Variants in JAKMIP1 observed in about 807,000 individuals in gnomAD.
JAKMIP1 encodes the protein janus kinase and microtubule-interacting protein 1.
A neutral mutation model predicts 113.0 loss-of-function variants in JAKMIP1; 33 were observed. The observed-to-expected ratio is 0.29, with a 90% CI of 0.22 to 0.39. JAKMIP1 has a LOEUF of 0.39. Among genes scored for constraint, JAKMIP1 ranks in the 10% least tolerant of loss-of-function variants. The pLI is 1.00. For synonymous variants in JAKMIP1, 480 were observed against 459.9 expected (o/e 1.04, Z -0.56); for missense variants, 813 against 1,080.5 (o/e 0.75, Z 3.47).
intron 8 of JAKMIP1, among the ~76,000 whole-genome samples, chr4:6,068,861 T>G (rs982269060): frequency 2.6e-5 from 4 of 152,342 alleles, no homozygotes; most frequent in African/African-American, 9.6e-5. Context: ...TGAGCCATCA[T>G]GCCCAGCCTT....
At chr4:6,161,182 C>T in intron 1 of JAKMIP1, among the ~76,000 whole-genome samples, 1 of 150,294 alleles carries the variant, frequency 6.7e-6, no homozygotes. Context: ...CTCCACTCAC[C>T]TCCCCTGATC....
chr4:6,043,629 G>A (rs1342363702), intron 16 of JAKMIP1, among the ~76,000 whole-genome samples: 2 of 151,732 alleles, frequency 1.3e-5, no homozygotes, highest in Non-Finnish European at 2.9e-5. Flanking sequence ...CCAACATATT[G>A]GCTTTGCCTC....
At chr4:6,127,282 C>A (rs1717832034) in intron 1 of JAKMIP1, among the ~76,000 whole-genome samples, 1 of 152,198 alleles carries the variant, frequency 6.6e-6, no homozygotes, top group Non-Finnish European at 1.5e-5. Context: ...ATAGGCTGTT[C>A]CCCCAATTTA....
intron 1 of JAKMIP1, among the ~76,000 whole-genome samples, chr4:6,131,740 T>C (rs1040486122): frequency 2.0e-5 from 3 of 152,046 alleles, no homozygotes; most frequent in Admixed American, 2.0e-4. Flanking sequence ...AACCAAAAAT[T>C]ATTAATACAT....
At chr4:6,175,437 T>C (rs540268113) in intron 1 of JAKMIP1, among the ~76,000 whole-genome samples, 1 of 152,364 alleles carries the variant, frequency 6.6e-6, no homozygotes, top group Non-Finnish European at 1.5e-5. Flanking sequence ...TGCCATTTTT[T>C]CTTTTTGCAA....
At position 6,181,958 on chromosome 4, in the gene JAKMIP1, G is replaced by A. The variant is rs548935130; in HGVS notation, c.-148+18295C>T. On this transcript the variant is annotated intron_variant, in intron 1 of 20. Coordinates refer to ENST00000409021, the MANE Select transcript of JAKMIP1 (RefSeq NM_001099433.2). This position sits in a 1 kb window ranked among gnomAD's most constrained non-coding sequence, Gnocchi z 5.4. ...TGAGCCTGTGCAGACAGGAGGAGGA[G>A]GGGTCTGGGCAAGTTCAGGGAAAGC... Among the ~76,000 whole-genome samples, 5 of 152,240 alleles carry A rather than the reference G, an allele frequency of 3.3e-5. No individual in the cohort carries two copies. In the South Asian group the frequency reaches 1.0e-3, roughly 32 times the overall value.
intron 1 of JAKMIP1, among the ~76,000 whole-genome samples, chr4:6,149,504 G>A (rs1301408154): frequency 6.6e-6 from 1 of 152,160 alleles, no homozygotes; most frequent in African/African-American, 2.4e-5. Context: ...AAGAAATACT[G>A]AATTTGGGAC....
chr4:6,148,061 A>C (rs1421118437), intron 1 of JAKMIP1, among the ~76,000 whole-genome samples: 1 of 152,218 alleles, frequency 6.6e-6, no homozygotes, highest in African/African-American at 2.4e-5. Context: ...GACCAACCAC[A>C]GGTACTAAGC....
rs543464939 is a variant in JAKMIP1 at position 6,130,748 on chromosome 4, T to C, written c.-147-17751A>G. ...AACTTTAACAGAAATGAAGAATGCC[T>C]TTCATGGGCTCATTAGTAGACCGAA... On this transcript the variant is annotated intron_variant, in intron 1 of 20. Coordinates refer to ENST00000409021, the MANE Select transcript of JAKMIP1 (RefSeq NM_001099433.2). Among the ~76,000 whole-genome samples the C allele has an allele frequency of 2.0e-5, 3 of 152,224 alleles. No individual in the cohort carries two copies. In the South Asian group the frequency reaches 6.2e-4, roughly 32 times the overall value.
chr4:6,048,978 G>A, intron 15 of JAKMIP1, 56 bp from the exon 16 acceptor site: 1 of 1,353,620 alleles, frequency 7.4e-7, no homozygotes, highest in Non-Finnish European at 1.1e-6. Flanking sequence ...TCCACGTGCA[G>A]ACAGTCAGCA....
Position 6,080,358 on chromosome 4 carries a change from G to C in JAKMIP1, c.1102-46C>G. 1.2e-6 allele frequency: 2 copies of C among 1,601,546 alleles called. No homozygotes were observed. The highest frequency in any genetic ancestry group is 1.7e-6 in the Non-Finnish European group (2 of 1,173,436). On this transcript the variant is annotated intron_variant, in intron 6 of 20. Transcript: ENST00000409021. This position sits in a 1 kb window ranked among gnomAD's most constrained non-coding sequence, Gnocchi z 6.0. The stretch of plus-strand genomic sequence containing the variant: ...ACCACCACAGGGTTACCCGCCAACA[G>C]TGTTTGTTAGGGACAGTGCTGGAGT...
intron 12 of JAKMIP1, chr4:6,054,899 C>G: frequency 2.2e-6 from 1 of 455,870 alleles, no homozygotes; most frequent in East Asian, 7.0e-5. Context: ...ATCCCACCCC[C>G]GGGAGACCTT....
At position 6,080,517 on chromosome 4, in the gene JAKMIP1, G is replaced by T. The variant is rs939828378; in HGVS notation, c.1102-205C>A. On this transcript the variant is annotated intron_variant, in intron 6 of 20. Transcript: ENST00000409021. This position sits in a 1 kb window ranked among gnomAD's most constrained non-coding sequence, Gnocchi z 6.0. ...CCAGAACTCCCGTGTGTTGTGGGAG[G>T]GGCCAGGTGGGAGATCATTGAATCA... 2.0e-5 allele frequency among the ~76,000 whole-genome samples: 3 copies of T among 152,112 alleles called. No homozygotes were observed. Among genetic ancestry groups the T allele is most frequent in the African/African-American group, 7.2e-5 (3 of 41,410 alleles).
At chr4:6,196,123 G>A (rs181568871) in intron 1 of JAKMIP1, among the ~76,000 whole-genome samples, 1 of 152,328 alleles carries the variant, frequency 6.6e-6, no homozygotes, top group African/African-American at 2.4e-5. Context: ...CTGGGGAGCT[G>A]CCCCTCCCAC....
chr4:6,046,935 C>T (rs1013384838), intron 16 of JAKMIP1, among the ~76,000 whole-genome samples: 12 of 152,224 alleles, frequency 7.9e-5, no homozygotes, highest in African/African-American at 2.9e-4. Context: ...ACGAACCAGC[C>T]ACCCTGAGTC....
At chr4:6,027,039 C>A (rs537298743) in intron 20 of JAKMIP1, among the ~76,000 whole-genome samples, 3 of 151,210 alleles carry the variant, frequency 2.0e-5, no homozygotes, top group African/African-American at 7.3e-5. Flanking sequence ...TATTTAAAAT[C>A]TTTTGTGCCA....
intron 1 of JAKMIP1, among the ~76,000 whole-genome samples, chr4:6,114,672 T>A (rs1437136982): frequency 1.3e-5 from 2 of 152,208 alleles, no homozygotes; most frequent in Non-Finnish European, 2.9e-5. Context: ...TCTGGGCTAA[T>A]CAACATCACC....
chr4:6,052,613 T>C (rs1031374490), intron 13 of JAKMIP1, among the ~76,000 whole-genome samples: 6 of 140,846 alleles, frequency 4.3e-5, no homozygotes, highest in African/African-American at 1.6e-4. Context: ...ACCACGCCAC[T>C]GTCCTCCAGC....
At chr4:6,027,366 G>T (rs1460944479) in intron 20 of JAKMIP1, among the ~76,000 whole-genome samples, 1 of 152,066 alleles carries the variant, frequency 6.6e-6, no homozygotes, top group Non-Finnish European at 1.5e-5. Context: ...AGCTAGAAGG[G>T]GCCTTGAAAG....
Sources: gnomAD v4.1 joint callset for allele counts (sites outside exome capture counted in the v4.1 genomes callset) on GRCh38, gnomAD v4.1.1 for gene constraint, Gnocchi (gnomAD v3.1) non-coding constraint, MANE v1.5 for transcripts, NCBI Gene and HGNC (gene_info 2026-07-23, HGNC 2026-07-21) for gene names.